Variants in ROBO2 observed in about 807,000 individuals in gnomAD.
The protein encoded by ROBO2 is roundabout guidance receptor 2.
In ROBO2, 53 loss-of-function variants were observed where a neutral mutation model predicts 160.8. The ratio of observed to expected loss-of-function variants is 0.33; its 90% CI spans 0.26 to 0.41. The LOEUF (loss-of-function observed/expected upper bound fraction) is 0.41. Ranked by LOEUF, ROBO2 falls within the 10% of genes least tolerant of loss-of-function variation. ROBO2 has a pLI of 1.00. For missense variants in ROBO2, 1,577 were observed against 1,722.4 expected, an observed-to-expected ratio of 0.92 and a Z score of 1.49; for synonymous variants, 664 against 611.7, an observed-to-expected ratio of 1.09 and a Z score of -1.26.
chr3:76,398,439 A>G lies in ROBO2; in HGVS notation c.109+460837A>G, dbSNP rs1474476455. ...ATGTATACATATGTAACTAACCTGC[A>G]CATTGTGCACATATACCCTAAAACT... is the stretch of plus-strand genomic sequence containing the variant. On this transcript the variant is annotated intron_variant, in intron 2 of 26. Transcript: ENST00000487694. 3.9e-5 allele frequency among the ~76,000 whole-genome samples: 6 copies of G among 152,108 alleles called. No individual in the cohort carries two copies. In the South Asian group the frequency reaches 1.0e-3, roughly 26 times the overall value.
At chr3:77,590,877 C>T (rs1005149672) in intron 17 of ROBO2, among the ~76,000 whole-genome samples, 2 of 151,984 alleles carry the variant, frequency 1.3e-5, no homozygotes, top group African/African-American at 4.8e-5. Flanking sequence ...AAGAATAGTG[C>T]ATTTCCTGTT....
chr3:76,210,473 G>A (rs1703072612), intron 2 of ROBO2, among the ~76,000 whole-genome samples: 1 of 152,006 alleles, frequency 6.6e-6, no homozygotes. Flanking sequence ...ATGGCTTAAA[G>A]AACCCAAACA....
intron 18 of ROBO2, 134 bp downstream of exon 19, chr3:77,595,318 C>A: frequency 4.2e-6 from 3 of 706,764 alleles, no homozygotes; most frequent in South Asian, 1.8e-5. Flanking sequence ...AAATGGCTTA[C>A]CACAAAGTTT....
chr3:77,567,800 T>C (rs958772662), intron 12 of ROBO2, among the ~76,000 whole-genome samples: 1 of 152,070 alleles, frequency 6.6e-6, no homozygotes, highest in Non-Finnish European at 1.5e-5. Context: ...CCACCATTAC[T>C]TCTCCATCCA....
At chr3:76,386,845 A>T (rs927922646) in intron 2 of ROBO2, among the ~76,000 whole-genome samples, 1 of 152,160 alleles carries the variant, frequency 6.6e-6, no homozygotes, top group Non-Finnish European at 1.5e-5. Context: ...AAGGTGAATA[A>T]GCCTTGGCCC....
At chr3:76,698,375 A>T (rs1464298571) in intron 2 of ROBO2, among the ~76,000 whole-genome samples, 2 of 152,170 alleles carry the variant, frequency 1.3e-5, no homozygotes, top group African/African-American at 4.8e-5. Flanking sequence ...GGATAGTGAC[A>T]GTGGTGTGTT....
chr3:77,272,843 G>GA (rs1259967625), intron 2 of ROBO2, among the ~76,000 whole-genome samples: 29 of 152,192 alleles, frequency 1.9e-4, no homozygotes, highest in Non-Finnish European at 2.8e-4. Flanking sequence ...TTTTAGGTTA[G>GA]AAAGTATCCT....
At chr3:76,386,449 C>A (rs911935977) in intron 2 of ROBO2, among the ~76,000 whole-genome samples, 3 of 149,498 alleles carry the variant, frequency 2.0e-5, no homozygotes, top group African/African-American at 7.4e-5. Flanking sequence ...ACAAGACAAG[C>A]GGAAGATTCA....
intron 2 of ROBO2, among the ~76,000 whole-genome samples, chr3:76,906,624 A>G (rs1218129151): frequency 6.6e-6 from 1 of 152,094 alleles, no homozygotes; most frequent in African/African-American, 2.4e-5. Flanking sequence ...CAGTTTACAG[A>G]TGATGAAACT....
At chr3:76,865,408 A>G (rs1664805626) in intron 2 of ROBO2, among the ~76,000 whole-genome samples, 1 of 152,086 alleles carries the variant, frequency 6.6e-6, no homozygotes, top group Admixed American at 6.6e-5. Context: ...CTTGCTTTCA[A>G]GTTCTGTATT....
At chr3:77,059,471 G>A (rs1453403061) in intron 1 of ROBO2, among the ~76,000 whole-genome samples, 1 of 152,144 alleles carries the variant, frequency 6.6e-6, no homozygotes, top group African/African-American at 2.4e-5. Flanking sequence ...GGCAAGAGGG[G>A]AATCTTTTAT....
At chr3:76,813,423 T>G (rs1176995585) in intron 2 of ROBO2, among the ~76,000 whole-genome samples, 1 of 152,120 alleles carries the variant, frequency 6.6e-6, no homozygotes, top group Non-Finnish European at 1.5e-5. Context: ...TGTCAAAACT[T>G]ATTTAAAACT....
chr3:76,994,628 A>G (rs2060883203), intron 2 of ROBO2, among the ~76,000 whole-genome samples: 1 of 152,204 alleles, frequency 6.6e-6, no homozygotes, highest in African/African-American at 2.4e-5. Flanking sequence ...TACTGAAGGC[A>G]TATTATGCTC....
rs547500324 is a variant in ROBO2 at position 77,446,776 on chromosome 3, G to A, written c.389-30638G>A. On this transcript the variant is annotated intron_variant, in intron 2 of 25. Transcript: ENST00000461745. Reference sequence around the variant, plus strand: ...TGCTCAATAAATTTGACTAAATTTAGTGAAATATAGTGGTGGAAAGAACAG... The same window carrying A: ...TGCTCAATAAATTTGACTAAATTTAATGAAATATAGTGGTGGAAAGAACAG... Among the ~76,000 whole-genome samples, 3 of 152,084 alleles carry A rather than the reference G, an allele frequency of 2.0e-5. No individual in the cohort carries two copies. The South Asian group carries it at 6.2e-4, about 32-fold the overall frequency.
intron 2 of ROBO2, among the ~76,000 whole-genome samples, chr3:77,324,636 C>T: frequency 7.2e-6 from 1 of 138,828 alleles, no homozygotes; most frequent in East Asian, 2.1e-4. Flanking sequence ...AAAAATTAGC[C>T]GGGTGCAGTG....
chr3:76,057,420 A>G (rs981681154), intron 2 of ROBO2, among the ~76,000 whole-genome samples: 4 of 152,182 alleles, frequency 2.6e-5, no homozygotes, highest in Non-Finnish European at 4.4e-5. Context: ...TTTAAAGGAG[A>G]CAAGCATTCT....
At chr3:76,627,216 G>A (rs567141282) in intron 2 of ROBO2, among the ~76,000 whole-genome samples, 3 of 152,214 alleles carry the variant, frequency 2.0e-5, no homozygotes, top group East Asian at 3.9e-4. Flanking sequence ...TTGAATTAAT[G>A]GACTCTCTTA....
chr3:77,546,423 C>T (rs1011795942), exon 7 of ROBO2: 1 of 1,613,208 alleles, frequency 6.2e-7, no homozygotes, highest in African/African-American at 1.3e-5. Context: ...CTAAAGGAAA[C>T]CCACAGCCAG....
intron 2 of ROBO2, among the ~76,000 whole-genome samples, chr3:76,112,006 C>T (rs1377430431): frequency 6.6e-6 from 1 of 152,152 alleles, no homozygotes; most frequent in African/African-American, 2.4e-5. Context: ...AGAGTAGACT[C>T]TCGACTCCAC....
Sources: allele counts gnomAD v4.1 joint callset (sites outside exome capture counted in the v4.1 genomes callset), GRCh38; gene constraint gnomAD v4.1.1; transcripts MANE v1.5; gene names NCBI Gene and HGNC (gene_info 2026-07-23, HGNC 2026-07-21).